ARID3A: variants seen among roughly 807,000 people sequenced by gnomAD.
ARID3A encodes AT-rich interactive domain-containing protein 3A.
ARID3A carries 11 observed loss-of-function variants against 52.7 expected under a neutral mutation model. The ratio of observed to expected loss-of-function variants is 0.21; its 90% CI spans 0.13 to 0.35. The LOEUF (loss-of-function observed/expected upper bound fraction) is 0.35, where lower values mean the gene tolerates loss of function less well. ARID3A is among the 10% of genes least tolerant of loss of function. The probability of loss-of-function intolerance (pLI) is 1.00; values close to 1 mark genes in which losing one functional copy is unlikely to be tolerated. For missense variants in ARID3A, 721 were observed against 838.5 expected, an observed-to-expected ratio of 0.86 and a Z score of 1.73; for synonymous variants, 404 against 359.4, an observed-to-expected ratio of 1.12 and a Z score of -1.40.
Position 971,950 on chromosome 19 carries a change from G to GCAGCAGCAGCAA in ARID3A, c.1669_1680dup (p.Ser557_Asn560dup). The GCAGCAGCAGCAA allele has an allele frequency of 4.4e-6, 7 of 1,585,570 alleles. No homozygotes were observed. The highest frequency in any genetic ancestry group is 6.0e-6 in the Non-Finnish European group (7 of 1,170,482). Reference sequence around the variant, plus strand: ...AACAAAGGAGGCGGCGGCGGCGGCGGCAGCAGCAGCAACGCAGGCGGCCGG... The same window carrying GCAGCAGCAGCAA: ...AACAAAGGAGGCGGCGGCGGCGGCGGCAGCAGCAGCAACAGCAGCAGCAACGCAGGCGGCCGG... On this transcript the variant is annotated inframe_insertion, in exon 9 of 9. Coordinates refer to ENST00000263620, the MANE Select transcript of ARID3A (RefSeq NM_005224.3).
intron 3 of ARID3A, among the ~76,000 whole-genome samples, chr19:957,080 C>G (rs1261676703): frequency 1.2e-4 from 17 of 147,448 alleles, no homozygotes; most frequent in Non-Finnish European, 2.4e-4. Flanking sequence ...TCCCTGCCGG[C>G]TTTCCCCCAC....
At chr19:935,084 C>G (rs1395864609) in intron 3 of ARID3A, among the ~76,000 whole-genome samples, 1 of 152,216 alleles carries the variant, frequency 6.6e-6, no homozygotes, top group Non-Finnish European at 1.5e-5. Context: ...CTGGCGCCTG[C>G]CCCACCCCCT....
Position 950,110 on chromosome 19 carries a change from T to TG in ARID3A, c.694-9982_694-9981insG, listed in dbSNP as rs2145413814. On this transcript the variant is annotated intron_variant, in intron 3 of 8. Coordinates refer to ENST00000263620, the MANE Select transcript of ARID3A (RefSeq NM_005224.3). ...CAGAGTGAACGGATGGATGAGGCCG[T>TG]CCCCAGAGTGAACGGATGGATGAGG... Among the ~76,000 whole-genome samples the TG allele has an allele frequency of 3.4e-5, 3 of 88,502 alleles. No homozygotes were observed. The South Asian group carries it at 1.6e-3, about 47-fold the overall frequency. The allele number at this position is 88,502 out of a possible 152,430, so 58.1% of individuals were successfully genotyped here. A position where few individuals can be genotyped will look rare whatever the true frequency, so the allele number is the denominator to read the frequency against.
At position 929,262 on chromosome 19, in the gene ARID3A, G is replaced by T. The variant is rs1391147350; in HGVS notation, c.-267G>T. ...TGACTGTGCCTTTTTTCCCCCTCAG[G>T]TTTCTGCAAATGCGTGAATGAGCCG... On this transcript the variant is annotated splice_region_variant and 5_prime_UTR_variant, in exon 2 of 9. Coordinates refer to ENST00000263620, the MANE Select transcript of ARID3A (RefSeq NM_005224.3). The surrounding 1 kb of genome is among the most constrained non-coding windows in gnomAD (Gnocchi z 6.2). 3.8e-6 allele frequency: 1 copy of T among 260,488 alleles called. No homozygotes were observed. 16.1% of individuals were successfully genotyped at this position (260,488 alleles called of 1,614,324 possible). A position where few individuals can be genotyped will look rare whatever the true frequency, so the allele number is the denominator to read the frequency against.
chr19:942,760 C>T lies in ARID3A; in HGVS notation c.693+10018C>T, dbSNP rs575900599. Among the ~76,000 whole-genome samples, 23 of 152,326 alleles carry T rather than the reference C, an allele frequency of 1.5e-4. 1 individual carries two copies. The South Asian group carries it at 4.3e-3, about 29-fold the overall frequency. On this transcript the variant is annotated intron_variant, in intron 3 of 8. Transcript: ENST00000263620. The surrounding 1 kb of genome is among the most constrained non-coding windows in gnomAD (Gnocchi z 8.1). ...CCACGCTGGACATAGTGCCCAGATTCCATGCCCAGCAGCCTCCTCTGCCAC... is the reference window on the plus strand; with the variant it reads ...CCACGCTGGACATAGTGCCCAGATTTCATGCCCAGCAGCCTCCTCTGCCAC...
intron 3 of ARID3A, among the ~76,000 whole-genome samples, chr19:937,413 C>T (rs1180817534): frequency 5.9e-5 from 9 of 152,200 alleles, no homozygotes; most frequent in East Asian, 3.8e-4. Context: ...AGTCATACTC[C>T]GCTGGATGGA....
chr19:967,288 C>A (rs1312388832), intron 7 of ARID3A, among the ~76,000 whole-genome samples: 1 of 152,072 alleles, frequency 6.6e-6, no homozygotes, highest in African/African-American at 2.4e-5. Context: ...AGTAAACTGG[C>A]TGGGCACCGT....
At chr19:957,384 C>G (rs2037944538) in intron 3 of ARID3A, among the ~76,000 whole-genome samples, 1 of 152,224 alleles carries the variant, frequency 6.6e-6, no homozygotes. Flanking sequence ...GTCCCGCACT[C>G]GCCGCTGTGT....
At chr19:939,131 A>C (rs1439250136) in intron 3 of ARID3A, among the ~76,000 whole-genome samples, 1 of 134,096 alleles carries the variant, frequency 7.5e-6, no homozygotes, top group African/African-American at 2.8e-5. Context: ...ATTTATTATT[A>C]TTATTTTAGA....
chr19:929,505 G>C lies in ARID3A; in HGVS notation c.-24G>C, dbSNP rs1385191794. On this transcript the variant is annotated 5_prime_UTR_variant, in exon 2 of 9. Transcript: ENST00000263620. This position sits in a 1 kb window ranked among gnomAD's most constrained non-coding sequence, Gnocchi z 6.2. ...CCGTGGTGGTGGTGGTGGTGGTGGT[G>C]GTGGTGGCCCGGGCCGCAGGGCCAT... 1 of 1,504,176 alleles carries C rather than the reference G, an allele frequency of 6.6e-7. No individual in the cohort carries two copies. Among genetic ancestry groups the C allele is most frequent in the Non-Finnish European group, 8.8e-7 (1 of 1,133,084 alleles). 93.2% of individuals were successfully genotyped at this position (1,504,176 alleles called of 1,614,324 possible). A position where few individuals can be genotyped will look rare whatever the true frequency, so the allele number is the denominator to read the frequency against.
rs1188908388 is a variant in ARID3A at position 972,196 on chromosome 19, G to A, written c.*131G>A. The A allele has an allele frequency of 1.2e-5, 7 of 577,032 alleles. No individual in the cohort carries two copies. Among genetic ancestry groups the A allele is most frequent in the Non-Finnish European group, 2.0e-5 (7 of 349,920 alleles). 35.7% of individuals were successfully genotyped at this position (577,032 alleles called of 1,614,324 possible). ...GGAAGATATCCAGAAAGGAGCCACAGCTGACGCCAAAAAGAAAAGAAAAAA... is the reference window on the plus strand; with the variant it reads ...GGAAGATATCCAGAAAGGAGCCACAACTGACGCCAAAAAGAAAAGAAAAAA... On this transcript the variant is annotated 3_prime_UTR_variant, in exon 9 of 9. Transcript: ENST00000263620.
At position 942,668 on chromosome 19, in the gene ARID3A, G is replaced by A. The variant is rs761645340; in HGVS notation, c.693+9926G>A. 1.4e-4 allele frequency among the ~76,000 whole-genome samples: 21 copies of A among 152,186 alleles called. No homozygotes were observed. The highest frequency in any genetic ancestry group is 2.9e-4 in the Non-Finnish European group (20 of 68,020). On this transcript the variant is annotated intron_variant, in intron 3 of 8. Coordinates refer to ENST00000263620, the MANE Select transcript of ARID3A (RefSeq NM_005224.3). This position sits in a 1 kb window ranked among gnomAD's most constrained non-coding sequence, Gnocchi z 8.1. ...TGGAGGCCGCCCCTCCCACTGCCCCGCAGGCCCTGGTTCTGGCCAGGCTCA... is the reference window on the plus strand; with the variant it reads ...TGGAGGCCGCCCCTCCCACTGCCCCACAGGCCCTGGTTCTGGCCAGGCTCA...
chr19:949,619 C>T lies in ARID3A; in HGVS notation c.694-10473C>T, dbSNP rs1272851990. On this transcript the variant is annotated intron_variant, in intron 3 of 8. Coordinates refer to ENST00000263620, the MANE Select transcript of ARID3A (RefSeq NM_005224.3). ...GCCGCCGCCCCTGGCCTTTCCCCTC[C>T]CTCCAGTGGATGCCTGCTGGATTCC... Among the ~76,000 whole-genome samples, 8 of 152,018 alleles carry T rather than the reference C, an allele frequency of 5.3e-5. No individual in the cohort carries two copies. In the East Asian group the frequency reaches 1.4e-3, roughly 26 times the overall value.
chr19:927,565 G>T (rs1238924337), intron 1 of ARID3A, among the ~76,000 whole-genome samples: 1 of 151,900 alleles, frequency 6.6e-6, no homozygotes. Flanking sequence ...CCCCCAAAGA[G>T]GGGGGGCTTT....
At chr19:945,699 C>T (rs555105351) in intron 3 of ARID3A, among the ~76,000 whole-genome samples, 4 of 152,306 alleles carry the variant, frequency 2.6e-5, no homozygotes, top group South Asian at 2.1e-4. Context: ...TTCCTGCAGC[C>T]GTCTTTGGGC....
In ARID3A at chr19:940,903, G is replaced by T. The variant is rs970017410; in HGVS notation, c.693+8161G>T. Among the ~76,000 whole-genome samples the T allele has an allele frequency of 4.5e-3, 682 of 152,166 alleles. 12 individuals are homozygous for T. Among genetic ancestry groups the T allele is most frequent in the Non-Finnish European group, 5.0e-3 (338 of 67,964 alleles). On this transcript the variant is annotated intron_variant, in intron 3 of 8. Coordinates refer to ENST00000263620, the MANE Select transcript of ARID3A (RefSeq NM_005224.3). ...TGGCTGCTGGCGCCGGGCCAGCTGG[G>T]CCCTGGCGGGCGAGGGGTGGGTGGG...
chr19:961,051 T>C (rs2038030381), intron 4 of ARID3A, among the ~76,000 whole-genome samples: 1 of 152,116 alleles, frequency 6.6e-6, no homozygotes, highest in South Asian at 2.1e-4. Context: ...TAGGAGCGTC[T>C]GCTGCCAGGT....
At chr19:951,069 G>A (rs914459774) in intron 3 of ARID3A, among the ~76,000 whole-genome samples, 15 of 151,780 alleles carry the variant, frequency 9.9e-5, no homozygotes, top group African/African-American at 3.1e-4. Context: ...TGATCCGCCC[G>A]CCTCAGCCTC....
chr19:932,753 G>A lies in ARID3A; in HGVS notation c.693+11G>A, dbSNP rs773875537. On this transcript the variant is annotated intron_variant, in intron 3 of 8. Transcript: ENST00000263620. The stretch of plus-strand genomic sequence containing the variant: ...GAGCAGTTTAAGCAGGTGAGTGGGC[G>A]CGTCCCGCGTGGCGGCTGAGGCACC... The A allele has an allele frequency of 3.9e-5, 61 of 1,546,404 alleles. 1 individual carries two copies. Among genetic ancestry groups the A allele is most frequent in the Admixed American group, 2.8e-4 (14 of 50,842 alleles).
Sources: gnomAD v4.1 joint callset for allele counts (sites outside exome capture counted in the v4.1 genomes callset) on GRCh38, gnomAD v4.1.1 for gene constraint, Gnocchi (gnomAD v3.1) non-coding constraint, MANE v1.5 for transcripts, NCBI Gene and HGNC (gene_info 2026-07-23, HGNC 2026-07-21) for gene names.